CMSS1: variants seen among roughly 807,000 people sequenced by gnomAD.
The protein encoded by CMSS1 is cms1 ribosomal small subunit homolog.
In CMSS1, 33 loss-of-function variants were observed where a neutral mutation model predicts 43.5. The ratio of observed to expected loss-of-function variants is 0.76; its 90% confidence interval spans 0.57 to 1.01. CMSS1 has a LOEUF of 1.01. CMSS1 is among the 50% of genes least tolerant of loss of function. The pLI is 0.00. For synonymous variants in CMSS1, 115 were observed against 117.2 expected, an observed-to-expected ratio of 0.98 and a Z score of 0.12; for missense variants, 313 against 326.4, an observed-to-expected ratio of 0.96 and a Z score of 0.32.
intron 1 of CMSS1, among the ~76,000 whole-genome samples, chr3:99,927,509 A>G (rs1043906561): frequency 6.6e-6 from 1 of 151,902 alleles, no homozygotes; most frequent in Admixed American, 6.6e-5. Context: ...AGCTGGGATT[A>G]CAGGCATGTG....
At chr3:100,121,871 C>A (rs2066624431) in intron 1 of CMSS1, among the ~76,000 whole-genome samples, 1 of 152,172 alleles carries the variant, frequency 6.6e-6, no homozygotes, top group Non-Finnish European at 1.5e-5. Flanking sequence ...ATAGGTGAGG[C>A]TGCTCCCAGC....
chr3:100,109,228 A>G (rs184830630), intron 1 of CMSS1, among the ~76,000 whole-genome samples: 3 of 152,006 alleles, frequency 2.0e-5, no homozygotes, highest in Non-Finnish European at 4.4e-5. Flanking sequence ...CTAAAAAAAA[A>G]TTTTTCAATG....
intron 1 of CMSS1, among the ~76,000 whole-genome samples, chr3:99,967,249 A>G (rs1229779724): frequency 6.6e-6 from 1 of 152,190 alleles, no homozygotes; most frequent in East Asian, 1.9e-4. Context: ...CTGTAAAATA[A>G]TAGTCCCTCT....
intron 1 of CMSS1, among the ~76,000 whole-genome samples, chr3:100,030,647 T>C (rs2065008056): frequency 6.6e-6 from 1 of 152,156 alleles, no homozygotes; most frequent in Non-Finnish European, 1.5e-5. Context: ...GAGTAATCAT[T>C]GTCCCCACAA....
chr3:100,131,908 T>C (rs1427607449), intron 1 of CMSS1, among the ~76,000 whole-genome samples: 1 of 152,178 alleles, frequency 6.6e-6, no homozygotes, highest in Non-Finnish European at 1.5e-5. Context: ...GAGCCCCACA[T>C]TATACTCAAC....
chr3:99,905,331 A>AATC (rs1210933101), intron 1 of CMSS1, among the ~76,000 whole-genome samples: 1 of 152,120 alleles, frequency 6.6e-6, no homozygotes, highest in Non-Finnish European at 1.5e-5. Context: ...ACTCCTAGAT[A>AATC]TCTCACCAGT....
intron 1 of CMSS1, among the ~76,000 whole-genome samples, chr3:100,146,441 G>A (rs1358512099): frequency 6.6e-6 from 1 of 152,174 alleles, no homozygotes; most frequent in Non-Finnish European, 1.5e-5. Context: ...GACTCAAATA[G>A]ACTTTAGTTC....
intron 1 of CMSS1, among the ~76,000 whole-genome samples, chr3:99,929,678 T>C (rs1050632178): frequency 1.3e-5 from 2 of 152,242 alleles, no homozygotes; most frequent in Non-Finnish European, 2.9e-5. Flanking sequence ...GCATCCTGTC[T>C]ATGGTTCATT....
At chr3:99,893,742 A>G (rs1314702441) in intron 1 of CMSS1, among the ~76,000 whole-genome samples, 4 of 152,208 alleles carry the variant, frequency 2.6e-5, no homozygotes, top group African/African-American at 9.7e-5. Context: ...TTTTTCTGTG[A>G]TGAGCAGAAA....
chr3:100,146,899 G>A (rs2066855911), intron 1 of CMSS1, 74 bp from the exon 2 acceptor site: 1 of 1,533,046 alleles, frequency 6.5e-7, no homozygotes, highest in Non-Finnish European at 8.8e-7. Flanking sequence ...GAACCTTCTA[G>A]AAAGATGGTA....
intron 1 of CMSS1, among the ~76,000 whole-genome samples, chr3:100,063,364 T>C (rs1292943499): frequency 1.3e-5 from 2 of 152,238 alleles, no homozygotes; most frequent in East Asian, 3.8e-4. Flanking sequence ...AGGGTCTGAA[T>C]GACTTATTAC....
chr3:100,021,771 C>T (rs1217421839), intron 1 of CMSS1, among the ~76,000 whole-genome samples: 23 of 152,122 alleles, frequency 1.5e-4, no homozygotes, highest in Admixed American at 1.4e-3. Flanking sequence ...AACTTGCATT[C>T]TAGGAACTTC....
intron 1 of CMSS1, among the ~76,000 whole-genome samples, chr3:100,018,219 A>G (rs1710401731): frequency 6.6e-6 from 1 of 152,102 alleles, no homozygotes; most frequent in Middle Eastern, 3.2e-3. Flanking sequence ...CCAGCTACTC[A>G]GGAGGCTGAG....
At chr3:99,894,198 T>A (rs1023399251) in intron 1 of CMSS1, among the ~76,000 whole-genome samples, 1 of 152,200 alleles carries the variant, frequency 6.6e-6, no homozygotes, top group African/African-American at 2.4e-5. Context: ...ATAGGATGGT[T>A]AAAAACTAAG....
At chr3:100,054,998 T>C (rs1292435769) in intron 1 of CMSS1, among the ~76,000 whole-genome samples, 1 of 152,204 alleles carries the variant, frequency 6.6e-6, no homozygotes, top group African/African-American at 2.4e-5. Context: ...TGGGCCTTCT[T>C]GCTGATCATC....
chr3:99,995,349 A>G (rs1334565918), intron 1 of CMSS1, among the ~76,000 whole-genome samples: 1 of 152,294 alleles, frequency 6.6e-6, no homozygotes, highest in Middle Eastern at 3.4e-3. Context: ...CTGATGTAAG[A>G]GGTGGGTTCC....
intron 1 of CMSS1, among the ~76,000 whole-genome samples, chr3:99,906,043 A>C (rs946713930): frequency 6.6e-6 from 1 of 152,118 alleles, no homozygotes; most frequent in Non-Finnish European, 1.5e-5. Flanking sequence ...AAATACAAAC[A>C]TTAGCTGGGC....
chr3:100,080,287 T>C (rs1293841337), intron 1 of CMSS1, among the ~76,000 whole-genome samples: 1 of 151,998 alleles, frequency 6.6e-6, no homozygotes, highest in Non-Finnish European at 1.5e-5. Flanking sequence ...CCGGCCATCA[T>C]TTTTCTTAAA....
rs779350496 is a variant in CMSS1, at chr3:99,957,693, C to CTTTTTTTTTTTTTTTTTTTTTT, written c.64+139657_64+139678dup. ...TTCTCCTTTTCTCTTTTCTTTCTTT[C>CTTTTTTTTTTTTTTTTTTTTTT]TTTTTTTTTTTTTTTTTTTTTTTTT... On this transcript the variant is annotated intron_variant, in intron 1 of 9. Transcript: ENST00000421999. Among the ~76,000 whole-genome samples the CTTTTTTTTTTTTTTTTTTTTTT allele has an allele frequency of 7.4e-3, 148 of 19,896 alleles. 38 individuals are homozygous for CTTTTTTTTTTTTTTTTTTTTTT. The highest frequency in any genetic ancestry group is 0.011 in the Non-Finnish European group (94 of 8,946). 13.1% of individuals were successfully genotyped at this position (19,896 alleles called of 152,430 possible).
Sources: gnomAD v4.1 joint callset for allele counts (sites outside exome capture counted in the v4.1 genomes callset) on GRCh38, gnomAD v4.1.1 for gene constraint, MANE v1.5 for transcripts, NCBI Gene and HGNC (gene_info 2026-07-23, HGNC 2026-07-21) for gene names.